Variants in JPH2 observed in about 807,000 individuals in gnomAD.
The protein encoded by JPH2 is junctophilin-2.
JPH2 carries 38 observed loss-of-function variants against 55.9 expected under a neutral mutation model. The observed-to-expected ratio is 0.68, with a 90% CI of 0.52 to 0.89. The LOEUF (loss-of-function observed/expected upper bound fraction) is 0.89. JPH2 is among the 40% of genes least tolerant of loss of function. The probability of loss-of-function intolerance (pLI) is 0.00; values close to 1 mark genes in which losing one functional copy is unlikely to be tolerated. For synonymous variants in JPH2, 480 were observed against 472.4 expected (o/e 1.02, Z -0.21); for missense variants, 964 against 1,037.6 (o/e 0.93, Z 0.97).
intron 1 of JPH2, among the ~76,000 whole-genome samples, chr20:44,164,447 C>CA (rs2072639535): frequency 6.6e-6 from 1 of 151,918 alleles, no homozygotes; most frequent in African/African-American, 2.4e-5. Flanking sequence ...AATAAGACAA[C>CA]AAAAAATGGA....
intron 2 of JPH2, 52 bp from the exon 3 acceptor site, chr20:44,118,675 T>C (rs928303672): frequency 1.9e-5 from 27 of 1,398,472 alleles, no homozygotes; most frequent in Non-Finnish European, 2.5e-5. Context: ...GAACCAGCCT[T>C]CTGCCCCTTC....
chr20:44,115,518 C>T, intron 4 of JPH2, 147 bp downstream of exon 4: 2 of 1,147,006 alleles, frequency 1.7e-6, no homozygotes, highest in Non-Finnish European at 2.5e-6. Flanking sequence ...CCCCTAATCC[C>T]CAGCCCTGCA....
At chr20:44,170,755 CCTGA>C (rs944229641) in intron 1 of JPH2, among the ~76,000 whole-genome samples, 1 of 152,174 alleles carries the variant, frequency 6.6e-6, no homozygotes, top group Non-Finnish European at 1.5e-5. Flanking sequence ...TTCAGATAGA[CCTGA>C]CTCTGAATAT....
At chr20:44,119,976 G>A (rs947457435) in intron 2 of JPH2, among the ~76,000 whole-genome samples, 1 of 151,908 alleles carries the variant, frequency 6.6e-6, no homozygotes, top group African/African-American at 2.4e-5. Flanking sequence ...TCAAGAGGAA[G>A]GAACTCCAGC....
intron 2 of JPH2, among the ~76,000 whole-genome samples, chr20:44,155,373 G>C (rs2072558351): frequency 6.6e-6 from 1 of 152,120 alleles, no homozygotes. Flanking sequence ...GTGGCCCAGG[G>C]TGTTCCAGGA....
In JPH2 at chr20:44,124,297, G is replaced by A. The variant is rs151195636; in HGVS notation, c.1170-5674C>T. 7.0e-3 allele frequency among the ~76,000 whole-genome samples: 1,060 copies of A among 152,062 alleles called. 7 individuals carry two copies. The highest frequency in any genetic ancestry group is 0.022 in the South Asian group (104 of 4,804). On this transcript the variant is annotated intron_variant, in intron 2 of 5. Coordinates refer to ENST00000372980, the MANE Select transcript of JPH2 (RefSeq NM_020433.5). Reference sequence around the variant, plus strand: ...CATTGGTGGCTTTATGGGGCCAAAGGGGGACCCTCACCGGACTTGCCCTGA... The same window carrying A: ...CATTGGTGGCTTTATGGGGCCAAAGAGGGACCCTCACCGGACTTGCCCTGA...
At chr20:44,115,258 C>G (rs896314436) in intron 4 of JPH2, among the ~76,000 whole-genome samples, 1 of 152,092 alleles carries the variant, frequency 6.6e-6, no homozygotes, top group African/African-American at 2.4e-5. Context: ...GGTCTATAAC[C>G]CAAATCCTGT....
Position 44,107,220 on chromosome 20 carries a change from C to A in JPH2, c.*6298G>T, listed in dbSNP as rs1393130908. Among the ~76,000 whole-genome samples the A allele has an allele frequency of 6.6e-6, 1 of 152,208 alleles. No homozygotes were observed. Among genetic ancestry groups the A allele is most frequent in the Admixed American group, 6.5e-5 (1 of 15,278 alleles). On this transcript the variant is annotated 3_prime_UTR_variant, in exon 6 of 6. Transcript: ENST00000372980. Reference sequence around the variant, plus strand: ...GCCCCAACCCATCCCCACTCCCCAACCATACTGCCTCTTATGGCCACCATA... The same window carrying A: ...GCCCCAACCCATCCCCACTCCCCAAACATACTGCCTCTTATGGCCACCATA...
At chr20:44,141,349 T>G (rs1316332203) in intron 2 of JPH2, among the ~76,000 whole-genome samples, 2 of 152,046 alleles carry the variant, frequency 1.3e-5, no homozygotes, top group Non-Finnish European at 2.9e-5. Flanking sequence ...CAGTGGCTAT[T>G]TCTGAGTGTG....
At chr20:44,162,745 CATATATATATATATAT>C (rs1157323951) in intron 1 of JPH2, among the ~76,000 whole-genome samples, 9 of 52,468 alleles carry the variant, frequency 1.7e-4, no homozygotes, top group African/African-American at 2.6e-4. Flanking sequence ...AATAAACTTC[CATATATATATATATAT>C]ATATATATAT....
At chr20:44,130,582 C>T (rs1286842887) in intron 2 of JPH2, among the ~76,000 whole-genome samples, 1 of 152,254 alleles carries the variant, frequency 6.6e-6, no homozygotes, top group Non-Finnish European at 1.5e-5. Flanking sequence ...GTAGTGGACC[C>T]TGCAGTTCAA....
chr20:44,116,612 TGA>T (rs1176052454), intron 3 of JPH2, among the ~76,000 whole-genome samples: 2 of 152,202 alleles, frequency 1.3e-5, no homozygotes, highest in Non-Finnish European at 2.9e-5. Context: ...AGGGAGGCTC[TGA>T]GAGGTTAAAT....
Position 44,115,420 on chromosome 20 carries a change from C to T in JPH2, c.2010+245G>A, listed in dbSNP as rs7267668. ...CCCCTGCTCATGAGAACTGTCTCTG[C>T]CAATGGGATACCAGGTGCAAAGGTA... On this transcript the variant is annotated intron_variant, in intron 4 of 5. Coordinates refer to ENST00000372980, the MANE Select transcript of JPH2 (RefSeq NM_020433.5). Among the ~76,000 whole-genome samples, 1,885 of 152,308 alleles carry T rather than the reference C, an allele frequency of 0.012. 49 individuals are homozygous for T. Among genetic ancestry groups the T allele is most frequent in the African/African-American group, 0.043 (1,805 of 41,548 alleles).
chr20:44,129,213 G>A lies in JPH2; in HGVS notation c.1170-10590C>T, dbSNP rs543439789. On this transcript the variant is annotated intron_variant, in intron 2 of 5. Transcript: ENST00000372980. ...GAGTGAAGCCTCCTCTAGTGAGGGA[G>A]TGGGTGTGTGAGCTCTCAGCCTAGA... Among the ~76,000 whole-genome samples, 10 of 152,310 alleles carry A rather than the reference G, an allele frequency of 6.6e-5. No individual in the cohort carries two copies. The East Asian group carries it at 1.9e-3, about 29-fold the overall frequency.
chr20:44,181,037 G>C (rs943491143), intron 1 of JPH2, among the ~76,000 whole-genome samples: 5 of 152,056 alleles, frequency 3.3e-5, no homozygotes, highest in African/African-American at 1.2e-4. Flanking sequence ...GGAGGAATGA[G>C]GGCTATAGGA....
At chr20:44,161,151 G>A (rs766484051) in intron 1 of JPH2, among the ~76,000 whole-genome samples, 4 of 152,088 alleles carry the variant, frequency 2.6e-5, no homozygotes, top group Non-Finnish European at 4.4e-5. Flanking sequence ...GAGATCTCAC[G>A]GAGTTGACAT....
At chr20:44,175,706 AC>A (rs1169249538) in intron 1 of JPH2, among the ~76,000 whole-genome samples, 2 of 152,108 alleles carry the variant, frequency 1.3e-5, no homozygotes, top group Non-Finnish European at 2.9e-5. Context: ...CCCGTGGCTC[AC>A]CCCCAGAAGC....
chr20:44,154,468 G>A (rs2072551479), intron 2 of JPH2, among the ~76,000 whole-genome samples: 1 of 152,218 alleles, frequency 6.6e-6, no homozygotes, highest in Non-Finnish European at 1.5e-5. Flanking sequence ...AGCCATGTAT[G>A]GCAAGTGGCT....
intron 2 of JPH2, among the ~76,000 whole-genome samples, chr20:44,158,611 G>A (rs2072581668): frequency 6.6e-6 from 1 of 152,224 alleles, no homozygotes; most frequent in Non-Finnish European, 1.5e-5. Flanking sequence ...AACTTTATCT[G>A]AAGCACAATG....
Sources: gnomAD v4.1 joint callset for allele counts (sites outside exome capture counted in the v4.1 genomes callset) on GRCh38, gnomAD v4.1.1 for gene constraint, MANE v1.5 for transcripts, NCBI Gene and HGNC (gene_info 2026-07-23, HGNC 2026-07-21) for gene names.